The following LRFN5 variants were observed in gnomAD, a reference collection of about 807,000 sequenced individuals.
The protein encoded by LRFN5 is leucine rich repeat and fibronectin type III domain containing 5.
In LRFN5, 24 loss-of-function variants were observed where a neutral mutation model predicts 45.6. The ratio of observed to expected loss-of-function variants is 0.53; its 90% CI spans 0.38 to 0.74. The LOEUF is 0.74. Among genes scored for constraint, LRFN5 ranks in the 30% least tolerant of loss-of-function variants. The pLI, the probability that LRFN5 is intolerant of heterozygous loss-of-function variation, is 0.00. For missense variants in LRFN5, 776 were observed against 861.5 expected (o/e 0.90, Z 1.24); for synonymous variants, 340 against 313.8 (o/e 1.08, Z -0.88).
chr14:41,691,626 C>T (rs1326814921), intron 1 of LRFN5, among the ~76,000 whole-genome samples: 1 of 152,018 alleles, frequency 6.6e-6, no homozygotes, highest in Non-Finnish European at 1.5e-5. Flanking sequence ...ATTTTATAGA[C>T]ATTAAAATAC....
chr14:41,832,230 T>G (rs1486103469), intron 2 of LRFN5, among the ~76,000 whole-genome samples: 2 of 152,146 alleles, frequency 1.3e-5, no homozygotes, highest in African/African-American at 4.8e-5. Context: ...GAACAAATTT[T>G]TATTTCTGAA....
At chr14:41,787,150 T>C (rs1886751962) in intron 2 of LRFN5, among the ~76,000 whole-genome samples, 1 of 152,116 alleles carries the variant, frequency 6.6e-6, no homozygotes, top group Non-Finnish European at 1.5e-5. Flanking sequence ...CTTGGGATAA[T>C]ATTTTCTTGC....
intron 1 of LRFN5, among the ~76,000 whole-genome samples, chr14:41,642,663 T>C (rs1594575189): frequency 6.6e-6 from 1 of 152,322 alleles, no homozygotes; most frequent in East Asian, 1.9e-4. Flanking sequence ...TTTGCATTCA[T>C]AGTGACCTGG....
At chr14:41,779,398 G>T (rs1886404830) in intron 2 of LRFN5, among the ~76,000 whole-genome samples, 1 of 151,672 alleles carries the variant, frequency 6.6e-6, no homozygotes, top group South Asian at 2.1e-4. Context: ...GAAATTTTTG[G>T]ATCTATGTTA....
chr14:41,832,191 C>T (rs527528869), intron 2 of LRFN5, among the ~76,000 whole-genome samples: 3 of 152,160 alleles, frequency 2.0e-5, no homozygotes, highest in South Asian at 4.2e-4. Context: ...GGTTTCTTGC[C>T]TAGTGTGGTG....
intron 2 of LRFN5, among the ~76,000 whole-genome samples, chr14:41,791,321 T>C (rs1373357916): frequency 6.6e-6 from 1 of 152,026 alleles, no homozygotes; most frequent in Non-Finnish European, 1.5e-5. Context: ...TGTATCATTT[T>C]CTCTACAAAT....
chr14:41,841,574 C>G (rs1380434794), intron 2 of LRFN5, among the ~76,000 whole-genome samples: 2 of 151,884 alleles, frequency 1.3e-5, no homozygotes, highest in Non-Finnish European at 3.0e-5. Flanking sequence ...ATGTACTGTT[C>G]CATTGCATGA....
At chr14:41,794,375 G>A (rs1364223633) in intron 2 of LRFN5, among the ~76,000 whole-genome samples, 1 of 151,766 alleles carries the variant, frequency 6.6e-6, no homozygotes, top group East Asian at 1.9e-4. Context: ...AATTTCTACT[G>A]TATTTTAAAA....
chr14:41,678,200 T>C (rs1354647312), intron 1 of LRFN5, among the ~76,000 whole-genome samples: 2 of 152,026 alleles, frequency 1.3e-5, no homozygotes, highest in Non-Finnish European at 2.9e-5. Context: ...ACTGAGGGAC[T>C]TTTTATAATG....
At chr14:41,633,212 T>C (rs985363849) in intron 1 of LRFN5, among the ~76,000 whole-genome samples, 5 of 152,018 alleles carry the variant, frequency 3.3e-5, no homozygotes, top group African/African-American at 1.2e-4. Flanking sequence ...TCAGATTAAA[T>C]TTTTCAGCAG....
intron 2 of LRFN5, among the ~76,000 whole-genome samples, chr14:41,831,598 A>T (rs765664422): frequency 6.6e-6 from 1 of 152,174 alleles, no homozygotes; most frequent in Admixed American, 6.5e-5. Context: ...AGTAAAAAGG[A>T]CTGTTACCTT....
At chr14:41,873,666 A>C (rs1459410499) in intron 2 of LRFN5, among the ~76,000 whole-genome samples, 1 of 152,080 alleles carries the variant, frequency 6.6e-6, no homozygotes, top group Admixed American at 6.6e-5. Flanking sequence ...TGATTTTCTG[A>C]TAGAGATAAC....
At chr14:41,893,830 G>C (rs1042835370) in intron 4 of LRFN5, 61 of 985,064 alleles carry the variant, frequency 6.2e-5, no homozygotes, top group Non-Finnish European at 7.1e-5. Flanking sequence ...TTTCTAAAAA[G>C]TTTACTTTTC....
intron 1 of LRFN5, among the ~76,000 whole-genome samples, chr14:41,741,137 A>G (rs1031217629): frequency 4.0e-5 from 6 of 151,718 alleles, no homozygotes; most frequent in Non-Finnish European, 5.9e-5. Flanking sequence ...AAAAACATAC[A>G]TAGTACTCAA....
intron 1 of LRFN5, among the ~76,000 whole-genome samples, chr14:41,674,345 C>T: frequency 7.2e-6 from 1 of 139,196 alleles, no homozygotes; most frequent in Non-Finnish European, 1.6e-5. Context: ...CCCCCACCTC[C>T]CTCCCAGATG....
chr14:41,696,189 G>A (rs1291270481), intron 1 of LRFN5, among the ~76,000 whole-genome samples: 1 of 151,852 alleles, frequency 6.6e-6, no homozygotes, highest in Non-Finnish European at 1.5e-5. Context: ...AAATTGCTGC[G>A]ATCTCATGAT....
rs914212982 is a variant in LRFN5, at chr14:41,671,617, G to GTTTTTTT, written c.-197+63069_-197+63075dup. 6.4e-4 allele frequency among the ~76,000 whole-genome samples: 50 copies of GTTTTTTT among 78,010 alleles called. 5 individuals are homozygous for GTTTTTTT. Among genetic ancestry groups the GTTTTTTT allele is most frequent in the African/African-American group, 2.4e-3 (45 of 18,596 alleles). The allele number at this position is 78,010 out of a possible 152,430, so 51.2% of individuals were successfully genotyped here. A position where few individuals can be genotyped will look rare whatever the true frequency, so the allele number is the denominator to read the frequency against. ...TGTGGAGGAGAGATTTTTTTTTTTCGTTTTTTTTTTTTTTTTTTTTACGGA... is the reference window on the plus strand; with the variant it reads ...TGTGGAGGAGAGATTTTTTTTTTTCGTTTTTTTTTTTTTTTTTTTTTTTTTTTACGGA... On this transcript the variant is annotated intron_variant, in intron 1 of 5. Transcript: ENST00000298119.
At chr14:41,903,001 C>G (rs1891147048) in intron 5 of LRFN5, among the ~76,000 whole-genome samples, 2 of 151,630 alleles carry the variant, frequency 1.3e-5, no homozygotes, top group Admixed American at 6.6e-5. Flanking sequence ...ATCTATATTT[C>G]AGTAGCTTTT....
intron 1 of LRFN5, among the ~76,000 whole-genome samples, chr14:41,618,917 G>C (rs1165404927): frequency 6.6e-6 from 1 of 152,116 alleles, no homozygotes; most frequent in Non-Finnish European, 1.5e-5. Context: ...TGATTTCTCA[G>C]TAGGTAAAAT....
Sources: allele counts gnomAD v4.1 joint callset (sites outside exome capture counted in the v4.1 genomes callset), GRCh38; gene constraint gnomAD v4.1.1; transcripts MANE v1.5; gene names NCBI Gene and HGNC (gene_info 2026-07-23, HGNC 2026-07-21).